Variants in PSTK observed in about 807,000 individuals in gnomAD.
PSTK encodes the protein phosphoseryl-tRNA kinase.
A neutral mutation model predicts 38.6 loss-of-function variants in PSTK; 26 were observed. The ratio of observed to expected loss-of-function variants is 0.67; its 90% CI spans 0.49 to 0.94. The LOEUF is 0.94. Ranked by LOEUF, PSTK falls within the 40% of genes least tolerant of loss-of-function variation. The pLI is 0.00. For synonymous variants in PSTK, 181 were observed against 161.7 expected, an observed-to-expected ratio of 1.12 and a Z score of -0.91; for missense variants, 445 against 436.3, an observed-to-expected ratio of 1.02 and a Z score of -0.18.
Position 122,980,505 on chromosome 10 carries a change from G to A in PSTK, c.26G>A (p.Gly9Glu). MKTAENIR[G>E]TGSDGPRKRG... Reference sequence around the variant, plus strand: ...ATGAAGACCGCCGAGAACATCAGAGGAACCGGCAGCGACGGGCCGCGGAAA... The same window carrying A: ...ATGAAGACCGCCGAGAACATCAGAGAAACCGGCAGCGACGGGCCGCGGAAA... Residue 9 changes from glycine to glutamate, a missense_variant, in exon 1 of 6, where the codon GGA (glycine) becomes GAA (glutamate). Transcript: ENST00000406217. The surrounding 1 kb of genome is among the most constrained non-coding windows in gnomAD (Gnocchi z 4.3). The A allele has an allele frequency of 6.2e-7, 1 of 1,607,770 alleles. No homozygotes were observed. Among genetic ancestry groups the A allele is most frequent in the Admixed American group, 1.7e-5 (1 of 59,846 alleles).
At chr10:122,989,100 A>G (rs1035024599) in intron 5 of PSTK, among the ~76,000 whole-genome samples, 5 of 145,912 alleles carry the variant, frequency 3.4e-5, no homozygotes, top group African/African-American at 7.6e-5. Flanking sequence ...GACCAAGTGT[A>G]TGTATACTTC....
intron 5 of PSTK, among the ~76,000 whole-genome samples, chr10:122,987,893 T>G (rs938893775): frequency 1.3e-5 from 2 of 152,212 alleles, no homozygotes; most frequent in Non-Finnish European, 2.9e-5. Context: ...AGTTCCAGTC[T>G]GTGCTTCCCA....
chr10:122,980,411 CGCGTGCGCGCAG>C lies in PSTK; in HGVS notation c.-67_-56del. Reference sequence around the variant, plus strand: ...GCGCCGGTAGGCGGCGGAGACGCTGCGCGTGCGCGCAGGGCAGACGGTAGAGCGGAGACGACG... The same window carrying C: ...GCGCCGGTAGGCGGCGGAGACGCTGCGGCAGACGGTAGAGCGGAGACGACG... On this transcript the variant is annotated 5_prime_UTR_variant, in exon 1 of 6. Transcript: ENST00000406217. This position sits in a 1 kb window ranked among gnomAD's most constrained non-coding sequence, Gnocchi z 4.3. 1 of 1,423,216 alleles carries C rather than the reference CGCGTGCGCGCAG, an allele frequency of 7.0e-7. No homozygotes were observed. Among genetic ancestry groups the C allele is most frequent in the South Asian group, 1.4e-5 (1 of 71,558 alleles). The allele number at this position is 1,423,216 out of a possible 1,614,324, so 88.2% of individuals were successfully genotyped here. A position where few individuals can be genotyped will look rare whatever the true frequency, so the allele number is the denominator to read the frequency against.
Position 122,983,431 on chromosome 10 carries a change from G to A in PSTK, c.668G>A (p.Ser223Asn). The change falls in exon 3 of 6, where the codon AGC becomes AAC. Residue 223 changes from serine to asparagine, a missense_variant. Transcript: ENST00000406217. ...NPEKNAWEHN[S>N]LTIPSPACAS... Reference sequence around the variant, plus strand: ...GAGAAAAATGCTTGGGAACACAACAGCCTCACAATTCCGAGTCCAGCATGT... The same window carrying A: ...GAGAAAAATGCTTGGGAACACAACAACCTCACAATTCCGAGTCCAGCATGT... The A allele has an allele frequency of 6.2e-7, 1 of 1,613,888 alleles. No homozygotes were observed. Among genetic ancestry groups the A allele is most frequent in the Non-Finnish European group, 8.5e-7 (1 of 1,180,010 alleles).
At position 122,983,253 on chromosome 10, in the gene PSTK, C is replaced by T. The variant is rs779317637; in HGVS notation, c.509-19C>T. The T allele has an allele frequency of 3.8e-6, 6 of 1,575,336 alleles. No individual in the cohort carries two copies. The African/African-American group carries it at 8.2e-5, about 22-fold the overall frequency. On this transcript the variant is annotated intron_variant, in intron 2 of 5. Coordinates refer to ENST00000406217, the MANE Select transcript of PSTK (RefSeq NM_001363531.2). ...AAAAAGAGTATACCAGTAATTCTAT[C>T]ATTTTAAACTGTTTTCAGATTCGTT...
intron 5 of PSTK, chr10:122,987,266 C>A: frequency 1.3e-6 from 2 of 1,534,948 alleles, no homozygotes; most frequent in Non-Finnish European, 1.8e-6. Flanking sequence ...TGAGTATATG[C>A]CCATGCTCTG....
intron 5 of PSTK, among the ~76,000 whole-genome samples, chr10:122,989,587 G>A (rs968262336): frequency 5.3e-5 from 8 of 152,226 alleles, no homozygotes; most frequent in African/African-American, 1.9e-4. Context: ...AAATTAACTG[G>A]TGATGGTTGC....
intron 1 of PSTK, among the ~76,000 whole-genome samples, chr10:122,981,429 T>C (rs1272989939): frequency 6.6e-6 from 1 of 152,214 alleles, no homozygotes; most frequent in Non-Finnish European, 1.5e-5. Flanking sequence ...ATACATCCTC[T>C]TGGAGAAGCA....
chr10:122,987,701 A>AT (rs1198682908), intron 5 of PSTK, among the ~76,000 whole-genome samples: 19 of 152,320 alleles, frequency 1.2e-4, no homozygotes, highest in Non-Finnish European at 2.6e-4. Flanking sequence ...AGCAATGAAC[A>AT]TTTTTTGAGC....
Position 122,986,342 on chromosome 10 carries a change from A to T in PSTK, c.750A>T (p.Pro250=). 6.2e-7 allele frequency: 1 copy of T among 1,612,364 alleles called. No individual in the cohort carries two copies. Among genetic ancestry groups the T allele is most frequent in the Non-Finnish European group, 8.5e-7 (1 of 1,178,630 alleles). ...TATTGCTCACTGCTTTGGAAAATCCAGTAAAATATGCTGAGGACAATATGG... is the reference window on the plus strand; with the variant it reads ...TATTGCTCACTGCTTTGGAAAATCCTGTAAAATATGCTGAGGACAATATGG... ...TDLLLTALEN[P]VKYAEDNMEQ... Residue 250 remains proline, a synonymous_variant, in exon 4 of 6, where the codon CCA becomes CCT. Transcript: ENST00000406217.
At chr10:122,990,105 CT>C in intron 5 of PSTK, 68 bp from the exon 6 acceptor site, 1 of 1,021,790 alleles carries the variant, frequency 9.8e-7, no homozygotes, top group Non-Finnish European at 1.4e-6. Flanking sequence ...AATTAATTTC[CT>C]AATGTCATTA....
At chr10:122,987,594 T>C in intron 5 of PSTK, 1 of 1,491,638 alleles carries the variant, frequency 6.7e-7, no homozygotes, top group Non-Finnish European at 9.0e-7. Flanking sequence ...TGAATTTATA[T>C]AATAGATGAA....
intron 3 of PSTK, chr10:122,985,406 A>G (rs181250932): frequency 1.6e-4 from 24 of 152,324 alleles, no homozygotes; most frequent in Admixed American, 1.3e-3. Context: ...TTTTTGCTTT[A>G]TTTAACTGTT....
rs768725516 is a variant in PSTK, at chr10:122,983,462, G to A, written c.699G>A (p.Ser233=). The A allele has an allele frequency of 9.9e-6, 16 of 1,612,746 alleles. No individual in the cohort carries two copies. The highest frequency in any genetic ancestry group is 2.7e-5 in the African/African-American group (2 of 74,998). Residue 233 remains serine, a synonymous_variant, in exon 3 of 6, where the codon TCG becomes TCA. Transcript: ENST00000406217. ...CAATTCCGAGTCCAGCATGTGCTTCGGAGGCCAGGTATTCCACTCAATCAT... is the reference window on the plus strand; with the variant it reads ...CAATTCCGAGTCCAGCATGTGCTTCAGAGGCCAGGTATTCCACTCAATCAT... The part of the protein sequence containing the change: ...SLTIPSPACA[S]EASLEVTDLL...
In PSTK at chr10:122,980,756, G is replaced by T; in HGVS notation, c.216+61G>T. 1 of 1,293,156 alleles carries T rather than the reference G, an allele frequency of 7.7e-7. No homozygotes were observed. Among genetic ancestry groups the T allele is most frequent in the Non-Finnish European group, 9.7e-7 (1 of 1,025,714 alleles). The allele number at this position is 1,293,156 out of a possible 1,614,324, so 80.1% of individuals were successfully genotyped here. A position where few individuals can be genotyped will look rare whatever the true frequency, so the allele number is the denominator to read the frequency against. On this transcript the variant is annotated intron_variant, in intron 1 of 5. Transcript: ENST00000406217. This position sits in a 1 kb window ranked among gnomAD's most constrained non-coding sequence, Gnocchi z 4.3. The stretch of plus-strand genomic sequence containing the variant: ...GGGGCGGGGCGGGGCGGGGCGGGGC[G>T]GGGACACTCGCGTCCACGCGGTCCT...
At chr10:122,983,109 G>A (rs1339426279) in intron 2 of PSTK, 85 bp downstream of exon 2, 2 of 1,330,206 alleles carry the variant, frequency 1.5e-6, no homozygotes, top group Admixed American at 4.5e-5. Context: ...AATTTAACTT[G>A]ATTAGGAGGT....
intron 5 of PSTK, among the ~76,000 whole-genome samples, chr10:122,989,670 CCTAATAAAGCTAACAGA>C (rs1173426959): frequency 6.6e-6 from 1 of 152,152 alleles, no homozygotes; most frequent in Non-Finnish European, 1.5e-5. Context: ...TGAATTATGT[CCTAATAAAGCTAACAGA>C]AAAATAAAGT....
intron 1 of PSTK, 153 bp from the exon 2 acceptor site, chr10:122,982,580 A>G (rs914204590): frequency 3.1e-6 from 2 of 636,048 alleles, no homozygotes; most frequent in Non-Finnish European, 5.5e-6. Flanking sequence ...GGAATGGTAT[A>G]TATGGAGTCA....
At chr10:122,988,414 A>AT (rs1267220815) in intron 5 of PSTK, among the ~76,000 whole-genome samples, 36 of 152,002 alleles carry the variant, frequency 2.4e-4, no homozygotes, top group Non-Finnish European at 4.9e-4. Flanking sequence ...TATTATATAT[A>AT]TTTTTTGGGG....
Sources: allele counts gnomAD v4.1 joint callset (sites outside exome capture counted in the v4.1 genomes callset), GRCh38; gene constraint gnomAD v4.1.1; non-coding constraint Gnocchi (gnomAD v3.1); transcripts MANE v1.5; gene names NCBI Gene and HGNC (gene_info 2026-07-23, HGNC 2026-07-21).